The following ANOS1 variants were observed in gnomAD, a reference collection of about 807,000 sequenced individuals.
The protein encoded by ANOS1 is anosmin-1.
Under a neutral mutation model 59.0 loss-of-function variants are expected in ANOS1, and 6 were observed. The observed-to-expected ratio is 0.10, with a 90% CI of 0.06 to 0.20. The LOEUF is 0.20. ANOS1 is among the 10% of genes least tolerant of loss of function. The pLI is 1.00. For synonymous variants in ANOS1, 217 were observed against 223.4 expected (o/e 0.97, Z 0.25); for missense variants, 433 against 542.3 (o/e 0.80, Z 2.00).
At chrX:8,585,551 A>G (rs1346807974) in intron 5 of ANOS1, among the ~76,000 whole-genome samples, 155 bp from the exon 6 acceptor site, 2 of 112,142 alleles carry the variant, frequency 1.8e-5, no homozygotes, top group Non-Finnish European at 3.8e-5. Flanking sequence ...AGTTATGAAG[A>G]GAGCTGTCAG....
At chrX:8,708,648 CTT>C (rs1266022625) in intron 1 of ANOS1, among the ~76,000 whole-genome samples, 5 of 111,912 alleles carry the variant, frequency 4.5e-5, no homozygotes, top group Non-Finnish European at 9.4e-5. Flanking sequence ...AATAGGAATC[CTT>C]TTACACTGTT....
At chrX:8,649,986 T>C (rs1420022674) in intron 2 of ANOS1, among the ~76,000 whole-genome samples, 7 of 113,074 alleles carry the variant, frequency 6.2e-5, no homozygotes, top group Non-Finnish European at 5.6e-5. Flanking sequence ...TAAGCTTGCA[T>C]CTCACATGCC....
At chrX:8,533,121 T>C in intron 13 of ANOS1, 68 bp from the exon 14 acceptor site, 1 of 693,948 alleles carries the variant, frequency 1.4e-6, no homozygotes, top group African/African-American at 2.1e-5. Context: ...GAATTACCTT[T>C]ATTTGTAGAA....
chrX:8,587,247 C>T (rs1340557381), intron 5 of ANOS1, among the ~76,000 whole-genome samples: 2 of 110,938 alleles, frequency 1.8e-5, no homozygotes, highest in East Asian at 2.8e-4. Context: ...GGGAGTGTTG[C>T]CATGCAGGTG....
intron 2 of ANOS1, among the ~76,000 whole-genome samples, chrX:8,681,593 G>A (rs1339026724): frequency 9.0e-6 from 1 of 111,118 alleles, no homozygotes; most frequent in Non-Finnish European, 1.9e-5. Flanking sequence ...CATGCAGTCT[G>A]CCCCCTGTCT....
intron 2 of ANOS1, among the ~76,000 whole-genome samples, chrX:8,667,310 C>CG (rs777610823): frequency 1.2e-3 from 124 of 106,289 alleles, no homozygotes; most frequent in Non-Finnish European, 2.1e-3. Context: ...TTGTTTTTTG[C>CG]GGGGGGATGG....
At chrX:8,607,666 C>T (rs1930965453) in intron 3 of ANOS1, among the ~76,000 whole-genome samples, 1 of 111,183 alleles carries the variant, frequency 9.0e-6, no homozygotes, top group Non-Finnish European at 1.9e-5. Context: ...ATTTATTTCC[C>T]TCTCCTACTT....
At chrX:8,708,211 G>A (rs947173264) in intron 1 of ANOS1, among the ~76,000 whole-genome samples, 15 of 111,854 alleles carry the variant, frequency 1.3e-4, no homozygotes, top group African/African-American at 3.6e-4. Flanking sequence ...GTGGCAGAGC[G>A]AGACTATGCC....
Position 8,701,148 on chromosome X carries a change from C to T in ANOS1, c.208-1403G>A, listed in dbSNP as rs189665965. Among the ~76,000 whole-genome samples, 207 of 109,699 alleles carry T rather than the reference C, an allele frequency of 1.9e-3. 1 individual carries two copies. The highest frequency in any genetic ancestry group is 9.4e-3 in the Middle Eastern group (2 of 213). ...TCTTTTAAGTCAGGTTATGCTAGGCCGGAATAGGTAGCAAAGCTAGCAGAA... is the reference window on the plus strand; with the variant it reads ...TCTTTTAAGTCAGGTTATGCTAGGCTGGAATAGGTAGCAAAGCTAGCAGAA... On this transcript the variant is annotated intron_variant, in intron 1 of 13. Coordinates refer to ENST00000262648, the MANE Select transcript of ANOS1 (RefSeq NM_000216.4).
intron 1 of ANOS1, among the ~76,000 whole-genome samples, chrX:8,704,100 T>C (rs896929525): frequency 1.8e-5 from 2 of 111,477 alleles, no homozygotes; most frequent in African/African-American, 6.5e-5. Context: ...CCCCCGCACA[T>C]GCTCTCTTGC....
chrX:8,565,626 T>C (rs776576802), intron 8 of ANOS1, among the ~76,000 whole-genome samples: 2 of 112,353 alleles, frequency 1.8e-5, no homozygotes, highest in African/African-American at 3.2e-5. Context: ...AGATTCCATA[T>C]GGAATTTAAA....
intron 2 of ANOS1, among the ~76,000 whole-genome samples, chrX:8,641,932 A>G (rs1931672017): frequency 9.0e-6 from 1 of 111,613 alleles, no homozygotes; most frequent in Non-Finnish European, 1.9e-5. Flanking sequence ...AGAGACACAG[A>G]GTTTATTTTA....
intron 9 of ANOS1, among the ~76,000 whole-genome samples, chrX:8,542,618 C>T (rs2015897109): frequency 9.2e-6 from 1 of 108,744 alleles, no homozygotes; most frequent in Non-Finnish European, 1.9e-5. Context: ...GGCCTGTACT[C>T]CTTTCTGGAG....
intron 3 of ANOS1, among the ~76,000 whole-genome samples, chrX:8,616,204 G>A (rs1039485027): frequency 6.3e-5 from 7 of 111,017 alleles, no homozygotes; most frequent in African/African-American, 1.6e-4. Flanking sequence ...CGCAGAATCC[G>A]ATTAATAAAT....
At chrX:8,649,574 T>C (rs753974788) in intron 2 of ANOS1, among the ~76,000 whole-genome samples, 2 of 112,211 alleles carry the variant, frequency 1.8e-5, no homozygotes, top group South Asian at 7.4e-4. Context: ...GGACAAGACT[T>C]TTGTCTTTGT....
rs772176787 is a variant in ANOS1 at position 8,679,564 on chromosome X, T to C, written c.255+20134A>G. 4.6e-5 allele frequency among the ~76,000 whole-genome samples: 5 copies of C among 109,466 alleles called. No homozygotes were observed. The Admixed American group carries it at 4.9e-4, about 11-fold the overall frequency. The stretch of plus-strand genomic sequence containing the variant: ...TTCTTGCAAAAAAAAAAAAAAGTCT[T>C]ATCCTGCAAAAAGGTTATTTCTACA... On this transcript the variant is annotated intron_variant, in intron 2 of 13. Coordinates refer to ENST00000262648, the MANE Select transcript of ANOS1 (RefSeq NM_000216.4).
chrX:8,537,392 G>A (rs1342060751), intron 10 of ANOS1, among the ~76,000 whole-genome samples: 1 of 111,402 alleles, frequency 9.0e-6, no homozygotes, highest in Non-Finnish European at 1.9e-5. Context: ...TCCCTTTTTT[G>A]GAGTGCTGTT....
intron 3 of ANOS1, among the ~76,000 whole-genome samples, chrX:8,616,392 T>A (rs1159030912): frequency 8.9e-6 from 1 of 111,777 alleles, no homozygotes; most frequent in African/African-American, 3.3e-5. Context: ...GTGATTCAGT[T>A]TAACTCATAG....
At chrX:8,665,206 G>A (rs1932114850) in intron 2 of ANOS1, among the ~76,000 whole-genome samples, 1 of 112,178 alleles carries the variant, frequency 8.9e-6, no homozygotes, top group Non-Finnish European at 1.9e-5. Flanking sequence ...AACAAATAAT[G>A]GTGGGAATGG....
Sources: gnomAD v4.1 joint callset for allele counts (sites outside exome capture counted in the v4.1 genomes callset) on GRCh38, gnomAD v4.1.1 for gene constraint, MANE v1.5 for transcripts, NCBI Gene and HGNC (gene_info 2026-07-23, HGNC 2026-07-21) for gene names.